SKI: variants seen among roughly 807,000 people sequenced by gnomAD.
SKI encodes the protein SKI proto-oncogene, also known as ski oncogene.
A neutral mutation model predicts 59.3 loss-of-function variants in SKI; 23 were observed. The ratio of observed to expected loss-of-function variants is 0.39; its 90% CI spans 0.28 to 0.55. The LOEUF (loss-of-function observed/expected upper bound fraction) is 0.55. SKI is among the 20% of genes least tolerant of loss of function. The pLI is 0.67. For missense variants in SKI, 1,017 were observed against 1,038.9 expected (o/e 0.98, Z 0.29); for synonymous variants, 673 against 488.6 (o/e 1.38, Z -4.98).
chr1:2,288,435 A>G (rs1013855101), intron 1 of SKI, among the ~76,000 whole-genome samples: 2 of 152,242 alleles, frequency 1.3e-5, no homozygotes, highest in Non-Finnish European at 2.9e-5. Flanking sequence ...CTGTTTACTT[A>G]AAGGTACATG....
intron 1 of SKI, among the ~76,000 whole-genome samples, chr1:2,258,915 T>G (rs1639328026): frequency 6.6e-6 from 1 of 152,220 alleles, no homozygotes; most frequent in African/African-American, 2.4e-5. Flanking sequence ...GCCTGGCCCT[T>G]GAGTGTTTGC....
chr1:2,230,058 C>T lies in SKI; in HGVS notation c.969+323C>T, dbSNP rs144963770. Among the ~76,000 whole-genome samples the T allele has an allele frequency of 6.8e-3, 1,041 of 152,338 alleles. 14 individuals carry two copies. The highest frequency in any genetic ancestry group is 0.023 in the African/African-American group (939 of 41,588). On this transcript the variant is annotated intron_variant, in intron 1 of 6. Coordinates refer to ENST00000378536, the MANE Select transcript of SKI (RefSeq NM_003036.4). ...ATAGGAAGGCACAGGCCTCATGCTCCCGAGAAAGCGGCCTGCCCCAGGTCA... is the reference window on the plus strand; with the variant it reads ...ATAGGAAGGCACAGGCCTCATGCTCTCGAGAAAGCGGCCTGCCCCAGGTCA...
At chr1:2,257,415 G>GC (rs1190067460) in intron 1 of SKI, among the ~76,000 whole-genome samples, 1 of 152,268 alleles carries the variant, frequency 6.6e-6, no homozygotes, top group Non-Finnish European at 1.5e-5. Flanking sequence ...TCCTGCTTCT[G>GC]CAAGGCCTCC....
rs766389399 is a variant in SKI at position 2,293,436 on chromosome 1, CA to C, written c.970-9540del. ...GAGAAGCCAGGGCGAGGCCCCCCCC[CA>C]ACATCTGGAAGGTTCTCCTGCGTCG... is the stretch of plus-strand genomic sequence containing the variant. On this transcript the variant is annotated intron_variant, in intron 1 of 6. Coordinates refer to ENST00000378536, the MANE Select transcript of SKI (RefSeq NM_003036.4). 7.4e-3 allele frequency among the ~76,000 whole-genome samples: 1,115 copies of C among 150,824 alleles called. 16 individuals carry two copies. Among genetic ancestry groups the C allele is most frequent in the African/African-American group, 0.024 (1,000 of 41,104 alleles).
chr1:2,272,832 C>T (rs1305973928), intron 1 of SKI, among the ~76,000 whole-genome samples: 1 of 152,056 alleles, frequency 6.6e-6, no homozygotes, highest in African/African-American at 2.4e-5. Flanking sequence ...CGCCCCGAGC[C>T]TCCCCCTCCC....
chr1:2,294,720 C>G (rs140182288), intron 1 of SKI, among the ~76,000 whole-genome samples: 2 of 152,364 alleles, frequency 1.3e-5, no homozygotes, highest in Non-Finnish European at 2.9e-5. Flanking sequence ...GCCCTCCCCC[C>G]GCTAGCTGCT....
intron 1 of SKI, among the ~76,000 whole-genome samples, chr1:2,261,828 G>A (rs1167534509): frequency 6.7e-6 from 1 of 149,286 alleles, no homozygotes; most frequent in Admixed American, 6.7e-5. Flanking sequence ...GATCTGGAAG[G>A]CGTGGAATCA....
At chr1:2,240,491 G>A (rs1181641062) in intron 1 of SKI, 8 of 985,318 alleles carry the variant, frequency 8.1e-6, no homozygotes, top group East Asian at 1.1e-4. Context: ...AGGAGGTCCC[G>A]TGGGTGGTGG....
intron 6 of SKI, 71 bp downstream of exon 6, chr1:2,306,321 C>T (rs111702776): frequency 1.2e-5 from 16 of 1,368,888 alleles, no homozygotes; most frequent in African/African-American, 1.5e-5. Context: ...GGTGGCCAGT[C>T]CTGCCCAGCC....
intron 1 of SKI, among the ~76,000 whole-genome samples, chr1:2,301,521 T>G (rs1640425707): frequency 6.6e-6 from 1 of 152,090 alleles, no homozygotes; most frequent in Non-Finnish European, 1.5e-5. Flanking sequence ...TGGGTGCACG[T>G]GCTGCAGGGG....
In SKI at chr1:2,270,569, A is replaced by G. The variant is rs1639594586; in HGVS notation, c.970-32409A>G. On this transcript the variant is annotated intron_variant, in intron 1 of 6. Coordinates refer to ENST00000378536, the MANE Select transcript of SKI (RefSeq NM_003036.4). The surrounding 1 kb of genome is among the most constrained non-coding windows in gnomAD (Gnocchi z 4.1). ...AGTGTTGAGGGGGCGCTGGGGAAAC[A>G]AGCTGCCGGCTGAGGAGGCCGCACT... is the stretch of plus-strand genomic sequence containing the variant. Among the ~76,000 whole-genome samples the G allele has an allele frequency of 2.0e-5, 3 of 152,132 alleles. No homozygotes were observed. The South Asian group carries it at 6.2e-4, about 31-fold the overall frequency.
At chr1:2,250,903 T>C (rs10797416) in intron 1 of SKI, among the ~76,000 whole-genome samples, 43,052 of 152,230 alleles carry the variant, frequency 0.28, 7,441 homozygotes, top group Admixed American at 0.38. Flanking sequence ...GCCGGTGCCC[T>C]ATCAGAGGCG....
At chr1:2,272,162 C>A (rs1490220621) in intron 1 of SKI, among the ~76,000 whole-genome samples, 1 of 152,250 alleles carries the variant, frequency 6.6e-6, no homozygotes, top group Admixed American at 6.5e-5. Flanking sequence ...TTCTCACGAC[C>A]TCTTGCCCTC....
rs184803039 is a variant in SKI at position 2,239,921 on chromosome 1, C to T, written c.969+10186C>T. On this transcript the variant is annotated intron_variant, in intron 1 of 6. Coordinates refer to ENST00000378536, the MANE Select transcript of SKI (RefSeq NM_003036.4). ...TTCAGCTGCGTCCTTTGCGGGTCCC[C>T]GTAACTTCAGTGCCCCCACCCCTGT... Among the ~76,000 whole-genome samples, 541 of 152,332 alleles carry T rather than the reference C, an allele frequency of 3.6e-3. 3 individuals are homozygous for T. Among genetic ancestry groups the T allele is most frequent in the Middle Eastern group, 0.01 (3 of 292 alleles).
intron 1 of SKI, among the ~76,000 whole-genome samples, chr1:2,239,978 T>C (rs1052437935): frequency 5.3e-5 from 8 of 152,236 alleles, no homozygotes; most frequent in Middle Eastern, 6.8e-3. Context: ...GCGCCTCTAG[T>C]GTAGATGGGT....
chr1:2,283,985 G>T (rs1036728655), intron 1 of SKI, among the ~76,000 whole-genome samples: 7 of 152,180 alleles, frequency 4.6e-5, no homozygotes, highest in Non-Finnish European at 1.0e-4. Context: ...TCTGCCCGCA[G>T]CTAGTGCCCT....
chr1:2,267,355 C>G lies in SKI; in HGVS notation c.970-35623C>G, dbSNP rs1290026039. Among the ~76,000 whole-genome samples the G allele has an allele frequency of 3.3e-5, 5 of 152,172 alleles. No individual in the cohort carries two copies. Among genetic ancestry groups the G allele is most frequent in the Non-Finnish European group, 7.3e-5 (5 of 68,044 alleles). On this transcript the variant is annotated intron_variant, in intron 1 of 6. Transcript: ENST00000378536. This position sits in a 1 kb window ranked among gnomAD's most constrained non-coding sequence, Gnocchi z 4.1. ...TCTGGGGTTTGTTTGTGGGCATTTC[C>G]AGGTAGTCTGATCCTGTGAGGAGCA...
intron 1 of SKI, among the ~76,000 whole-genome samples, chr1:2,241,682 T>C (rs1006087224): frequency 1.3e-5 from 2 of 152,196 alleles, no homozygotes; most frequent in South Asian, 2.1e-4. Flanking sequence ...TGTGAGCCAC[T>C]GCGCCCGGCC....
rs1192137356 is a variant in SKI, at chr1:2,308,473, T to C, written c.*1708T>C. 1 of 152,254 alleles carries C rather than the reference T, an allele frequency of 6.6e-6. No individual in the cohort carries two copies. The highest frequency in any genetic ancestry group is 1.5e-5 in the Non-Finnish European group (1 of 68,058). 9.4% of individuals were successfully genotyped at this position (152,254 alleles called of 1,614,324 possible). A position where few individuals can be genotyped will look rare whatever the true frequency, so the allele number is the denominator to read the frequency against. On this transcript the variant is annotated 3_prime_UTR_variant, in exon 7 of 7. Coordinates refer to ENST00000378536, the MANE Select transcript of SKI (RefSeq NM_003036.4). ...TTGCTTTTGTTTTCTTTGCGGTTGT[T>C]CTGTGTGCATGGATTCCACACCTCT...
Sources: gnomAD v4.1 joint callset for allele counts (sites outside exome capture counted in the v4.1 genomes callset) on GRCh38, gnomAD v4.1.1 for gene constraint, Gnocchi (gnomAD v3.1) non-coding constraint, MANE v1.5 for transcripts, NCBI Gene and HGNC (gene_info 2026-07-23, HGNC 2026-07-21) for gene names.